Variants in MFSD12 observed in about 807,000 individuals in gnomAD.
MFSD12 encodes the protein major facilitator superfamily domain containing 12.
Under a neutral mutation model 51.2 loss-of-function variants are expected in MFSD12, and 67 were observed. That is an observed-to-expected ratio of 1.31 (90% CI 1.08 to 1.60). MFSD12 has a LOEUF of 1.60. Ranked by LOEUF, MFSD12 falls within the 40% of genes most tolerant of loss-of-function variation. The pLI, the probability that MFSD12 is intolerant of heterozygous loss-of-function variation, is 0.00. For synonymous variants in MFSD12, 441 were observed against 316.7 expected, an observed-to-expected ratio of 1.39 and a Z score of -4.17; for missense variants, 921 against 673.0, an observed-to-expected ratio of 1.37 and a Z score of -4.08.
downstream of MFSD12, chr19:3,541,772 G>A: frequency 1.0e-6 from 1 of 985,362 alleles, no homozygotes; most frequent in Non-Finnish European, 1.2e-6. Context: ...GCCGACAGCA[G>A]GGGTGAGGGG....
downstream of MFSD12, among the ~76,000 whole-genome samples, chr19:3,541,381 G>C (rs895562252): frequency 1.3e-5 from 2 of 150,830 alleles, no homozygotes; most frequent in African/African-American, 4.9e-5. Flanking sequence ...GGAGTGCAGT[G>C]GAATGATCTC....
chr19:3,544,570 AC>A lies in MFSD12; in HGVS notation c.*139del. 1 of 1,452,500 alleles carries A rather than the reference AC, an allele frequency of 6.9e-7. No individual in the cohort carries two copies. The highest frequency in any genetic ancestry group is 9.0e-7 in the Non-Finnish European group (1 of 1,106,884). The allele number at this position is 1,452,500 out of a possible 1,614,324, so 90.0% of individuals were successfully genotyped here. ...ATCCCTGCTGCCCTCACCCGACCCC[AC>A]CCCCGGGAGCTGGGTGAGGATGGAG... is the stretch of plus-strand genomic sequence containing the variant. On this transcript the variant is annotated 3_prime_UTR_variant, in exon 10 of 10. Coordinates refer to ENST00000355415, the MANE Select transcript of MFSD12 (RefSeq NM_174983.5).
chr19:3,547,184 T>C (rs916857561), intron 6 of MFSD12, 88 bp downstream of exon 6: 29 of 1,203,080 alleles, frequency 2.4e-5, no homozygotes, highest in Admixed American at 1.7e-5. Context: ...CCTGAGAGCA[T>C]CCGAGGATGG....
chr19:3,547,917 C>A lies in MFSD12; in HGVS notation c.768G>T (p.Leu256=), dbSNP rs778091634. The A allele has an allele frequency of 6.3e-7, 1 of 1,580,330 alleles. No homozygotes were observed. Among genetic ancestry groups the A allele is most frequent in the African/African-American group, 1.4e-5 (1 of 73,232 alleles). ...GGGGCTGGGCCGTGGCAGGGGCCAA[C>A]AGGGGGGTGTGCTCGCCTGGCTCCT... ...HAEEPGEHTP[L]LAPATAQPLL... The change falls in exon 4 of 10, where the codon CTG becomes CTT. Residue 256 remains leucine, a synonymous_variant. Transcript: ENST00000355415.
In MFSD12 at chr19:3,551,692, T is replaced by C. The variant is rs1039216791; in HGVS notation, c.299-498A>G. On this transcript the variant is annotated intron_variant, in intron 1 of 9. Transcript: ENST00000355415. This position sits in a 1 kb window ranked among gnomAD's most constrained non-coding sequence, Gnocchi z 4.6. Reference sequence around the variant, plus strand: ...ATAGCACCCGCCCCCACCTGAGATCTGCGGTGGCAAGGCCTGGCTCTTCAC... The same window carrying C: ...ATAGCACCCGCCCCCACCTGAGATCCGCGGTGGCAAGGCCTGGCTCTTCAC... Among the ~76,000 whole-genome samples, 1 of 152,138 alleles carries C rather than the reference T, an allele frequency of 6.6e-6. No individual in the cohort carries two copies. Among genetic ancestry groups the C allele is most frequent in the African/African-American group, 2.4e-5 (1 of 41,444 alleles).
At chr19:3,542,079 G>A, downstream of MFSD12, 5 of 975,280 alleles carry the variant, frequency 5.1e-6, no homozygotes, top group Non-Finnish European at 6.1e-6. Context: ...CAAAGTGCTG[G>A]GATTACAGGC....
At chr19:3,548,541 C>T (rs2031265167) in intron 2 of MFSD12, among the ~76,000 whole-genome samples, 1 of 152,160 alleles carries the variant, frequency 6.6e-6, no homozygotes, top group African/African-American at 2.4e-5. Context: ...AGGCTACAAC[C>T]CAAAAGTCTG....
At position 3,544,325 on chromosome 19, in the gene MFSD12, C is replaced by A; in HGVS notation, c.*385G>T. Reference sequence around the variant, plus strand: ...GCTGTCTCCTCCAGGCTCCAGCCGTCCTGAGGGGGCCCTGGCAGTGTCTGG... The same window carrying A: ...GCTGTCTCCTCCAGGCTCCAGCCGTACTGAGGGGGCCCTGGCAGTGTCTGG... On this transcript the variant is annotated 3_prime_UTR_variant, in exon 10 of 10. Coordinates refer to ENST00000355415, the MANE Select transcript of MFSD12 (RefSeq NM_174983.5). 1 of 1,273,328 alleles carries A rather than the reference C, an allele frequency of 7.9e-7. No homozygotes were observed. The highest frequency in any genetic ancestry group is 9.9e-7 in the Non-Finnish European group (1 of 1,009,376). The allele number at this position is 1,273,328 out of a possible 1,614,324, so 78.9% of individuals were successfully genotyped here.
exon 5 of MFSD12, chr19:3,538,532 A>G (rs1255866149): frequency 8.1e-6 from 3 of 372,108 alleles, no homozygotes; most frequent in African/African-American, 2.1e-5. Flanking sequence ...AAGTGGGATC[A>G]CAGCGTACCC....
chr19:3,548,562 G>A (rs1280676598), intron 2 of MFSD12, among the ~76,000 whole-genome samples: 1 of 152,206 alleles, frequency 6.6e-6, no homozygotes, highest in Non-Finnish European at 1.5e-5. Flanking sequence ...AGAACCCAGA[G>A]ACTCAGAAGC....
At chr19:3,545,920 A>G (rs2030978560) in intron 8 of MFSD12, among the ~76,000 whole-genome samples, 154 bp downstream of exon 8, 2 of 152,220 alleles carry the variant, frequency 1.3e-5, no homozygotes, top group South Asian at 4.1e-4. Flanking sequence ...TCAGTGGAAG[A>G]AAGGAAAGGT....
downstream of MFSD12, chr19:3,542,359 G>A (rs377560974): frequency 3.1e-5 from 31 of 985,436 alleles, no homozygotes; most frequent in African/African-American, 8.7e-5. Context: ...CAGGGCAGAT[G>A]AGATTGTTTT....
At chr19:3,546,980 C>A (rs1235121706) in intron 6 of MFSD12, among the ~76,000 whole-genome samples, 2 of 152,144 alleles carry the variant, frequency 1.3e-5, no homozygotes, top group Non-Finnish European at 2.9e-5. Flanking sequence ...ACTACAGGCA[C>A]CCGCCACCAA....
intron 2 of MFSD12, among the ~76,000 whole-genome samples, chr19:3,549,863 T>C (rs1194911302): frequency 6.6e-6 from 1 of 151,066 alleles, no homozygotes; most frequent in Non-Finnish European, 1.5e-5. Context: ...AAACCCCGTG[T>C]CTACTAAAAA....
In MFSD12 at chr19:3,551,173, G is replaced by A. The variant is rs946791685; in HGVS notation, c.320C>T (p.Ser107Phe). 1 of 1,610,526 alleles carries A rather than the reference G, an allele frequency of 6.2e-7. No individual in the cohort carries two copies. The highest frequency in any genetic ancestry group is 8.5e-7 in the Non-Finnish European group (1 of 1,178,950). Residue 107 changes from serine to phenylalanine, a missense_variant, in exon 2 of 10, where the codon TCC (serine) becomes TTC (phenylalanine). Physicochemically the swap from Ser to Phe is radical, Grantham distance 155. Transcript: ENST00000355415. The surrounding 1 kb of genome is among the most constrained non-coding windows in gnomAD (Gnocchi z 4.6). ...GCAGGGGCTGAAGATGAAGGGGAAG[G>A]ACAGCAGGACGCAGACGGTGCCTGT... is the stretch of plus-strand genomic sequence containing the variant. ...HLVGTVCVLL[S>F]FPFIFSPCLG...
At chr19:3,550,209 T>A (rs965578333) in intron 2 of MFSD12, among the ~76,000 whole-genome samples, 3 of 152,048 alleles carry the variant, frequency 2.0e-5, no homozygotes, top group Non-Finnish European at 4.4e-5. Context: ...CCTCTCCCCC[T>A]AGCTCAGCCA....
intron 1 of MFSD12, among the ~76,000 whole-genome samples, chr19:3,552,420 G>A (rs1056615321): frequency 1.3e-5 from 2 of 149,262 alleles, no homozygotes; most frequent in East Asian, 2.0e-4. Context: ...CACCCGCCTC[G>A]GCCTCTCAAA....
intron 6 of MFSD12, among the ~76,000 whole-genome samples, chr19:3,546,813 G>C (rs1251725644): frequency 3.9e-5 from 6 of 152,180 alleles, no homozygotes; most frequent in Non-Finnish European, 7.3e-5. Context: ...CAGGATCCTA[G>C]AATTCCTTGT....
downstream of MFSD12, chr19:3,543,503 C>T (rs551116074): frequency 3.8e-3 from 5,729 of 1,511,186 alleles, 15 homozygotes; most frequent in Non-Finnish European, 4.2e-3. Flanking sequence ...CCCTGGGCAG[C>T]GGGCCTGCCA....
Sources: allele counts gnomAD v4.1 joint callset (sites outside exome capture counted in the v4.1 genomes callset), GRCh38; gene constraint gnomAD v4.1.1; non-coding constraint Gnocchi (gnomAD v3.1); transcripts MANE v1.5; gene names NCBI Gene and HGNC (gene_info 2026-07-23, HGNC 2026-07-21).